Variants in PLPPR1 observed in about 807,000 individuals in gnomAD.
PLPPR1 encodes phospholipid phosphatase-related protein type 1.
PLPPR1 carries 10 observed loss-of-function variants against 33.1 expected under a neutral mutation model. That is an observed-to-expected ratio of 0.30 (90% CI 0.19 to 0.51). The LOEUF (loss-of-function observed/expected upper bound fraction) is 0.51, where lower values mean the gene tolerates loss of function less well. Ranked by LOEUF, PLPPR1 falls within the 20% of genes least tolerant of loss-of-function variation. PLPPR1 has a pLI of 0.97. For synonymous variants in PLPPR1, 151 were observed against 151.0 expected (o/e 1.00, Z 0.00); for missense variants, 304 against 408.1 (o/e 0.74, Z 2.20).
intron 4 of PLPPR1, among the ~76,000 whole-genome samples, chr9:101,289,114 A>G (rs899182152): frequency 1.3e-5 from 2 of 152,160 alleles, no homozygotes; most frequent in Non-Finnish European, 2.9e-5. Context: ...TCCAAAGGAA[A>G]GTGTGACACC....
intron 1 of PLPPR1, among the ~76,000 whole-genome samples, chr9:101,086,242 T>C (rs1365003338): frequency 1.3e-5 from 2 of 152,150 alleles, no homozygotes; most frequent in Admixed American, 6.6e-5. Flanking sequence ...TAGGCTAGAA[T>C]TTGGGGCACA....
intron 1 of PLPPR1, among the ~76,000 whole-genome samples, chr9:101,065,299 C>T (rs1370882160): frequency 6.6e-6 from 1 of 152,064 alleles, no homozygotes; most frequent in South Asian, 2.1e-4. Context: ...TGAAAAATGC[C>T]TCCTCTGCAG....
At position 101,312,939 on chromosome 9, in the gene PLPPR1, G is replaced by T. The variant is rs199633082; in HGVS notation, c.778G>T (p.Gly260Cys). The T allele has an allele frequency of 6.2e-7, 1 of 1,614,156 alleles. No individual in the cohort carries two copies. The highest frequency in any genetic ancestry group is 8.5e-7 in the Non-Finnish European group (1 of 1,180,024). Residue 260 changes from glycine to cysteine, a missense_variant, in exon 6 of 8, where the codon GGT becomes TGT. By Grantham distance (159) the Gly-to-Cys change is radical (BLOSUM62 -3). Coordinates refer to ENST00000374874, the MANE Select transcript of PLPPR1 (RefSeq NM_207299.2). Reference protein sequence around the residue: ...YRNHCSDVIAGFILGTAVALF... With the variant: ...YRNHCSDVIACFILGTAVALF... ...GAACCACTGCTCGGACGTGATTGCT[G>T]GTTTCATCCTGGGCACTGCAGTGGC...
intron 1 of PLPPR1, among the ~76,000 whole-genome samples, chr9:101,034,232 GGAGA>G (rs139518059): frequency 6.6e-6 from 1 of 152,004 alleles, no homozygotes; most frequent in South Asian, 2.1e-4. Context: ...GAACAGGAGA[GGAGA>G]GAGAGAGGAG....
intron 1 of PLPPR1, among the ~76,000 whole-genome samples, chr9:101,067,763 C>G (rs1417573893): frequency 6.6e-6 from 1 of 152,012 alleles, no homozygotes; most frequent in Non-Finnish European, 1.5e-5. Flanking sequence ...GTAGACCAAG[C>G]ATTGTTCTGT....
At chr9:101,194,712 C>T (rs982287521) in intron 2 of PLPPR1, among the ~76,000 whole-genome samples, 5 of 149,128 alleles carry the variant, frequency 3.4e-5, no homozygotes, top group Non-Finnish European at 5.9e-5. Flanking sequence ...GATAGAGCGC[C>T]GTTGCACTCC....
intron 1 of PLPPR1, among the ~76,000 whole-genome samples, chr9:101,056,416 T>C (rs1449869083): frequency 6.6e-6 from 1 of 152,114 alleles, no homozygotes; most frequent in Non-Finnish European, 1.5e-5. Context: ...GAGAATTTGT[T>C]TAGGTAATTA....
At position 101,146,893 on chromosome 9, in the gene PLPPR1, C is replaced by T. The variant is rs143661688; in HGVS notation, c.-45-38557C>T. Among the ~76,000 whole-genome samples the T allele has an allele frequency of 3.3e-5, 5 of 152,232 alleles. No homozygotes were observed. The East Asian group carries it at 5.8e-4, about 18-fold the overall frequency. ...AATTGTAAGCCTTGTTCTGATTCCA[C>T]GTGGCATTAAGAATTTTAAGAAACT... On this transcript the variant is annotated intron_variant, in intron 1 of 7. Coordinates refer to ENST00000374874, the MANE Select transcript of PLPPR1 (RefSeq NM_207299.2).
At chr9:101,304,292 G>C (rs577880341) in intron 4 of PLPPR1, among the ~76,000 whole-genome samples, 6 of 152,178 alleles carry the variant, frequency 3.9e-5, no homozygotes, top group Non-Finnish European at 7.4e-5. Context: ...TAGAAAATAT[G>C]GACAAGTTTC....
At chr9:101,080,582 A>G (rs531854500) in intron 1 of PLPPR1, among the ~76,000 whole-genome samples, 1 of 152,280 alleles carries the variant, frequency 6.6e-6, no homozygotes, top group African/African-American at 2.4e-5. Context: ...CAAAACAACA[A>G]CAACCAAACA....
At chr9:101,204,355 T>C (rs1391181683) in intron 2 of PLPPR1, among the ~76,000 whole-genome samples, 1 of 152,138 alleles carries the variant, frequency 6.6e-6, no homozygotes, top group Non-Finnish European at 1.5e-5. Context: ...GTACTGGAGA[T>C]GGCAAAGAAA....
At chr9:101,175,431 A>C (rs772944718) in intron 1 of PLPPR1, among the ~76,000 whole-genome samples, 64 of 152,194 alleles carry the variant, frequency 4.2e-4, no homozygotes, top group Non-Finnish European at 8.1e-4. Context: ...ATTTTTGTAG[A>C]CTGCTAAAAA....
chr9:101,130,185 C>T (rs1312303562), intron 1 of PLPPR1, among the ~76,000 whole-genome samples: 1 of 152,130 alleles, frequency 6.6e-6, no homozygotes, highest in African/African-American at 2.4e-5. Flanking sequence ...CCTCATGAAG[C>T]TGGGGGAAAA....
intron 1 of PLPPR1, among the ~76,000 whole-genome samples, chr9:101,037,848 G>C (rs934188494): frequency 7.3e-6 from 1 of 137,924 alleles, no homozygotes; most frequent in Non-Finnish European, 1.5e-5. Context: ...CAGTCTTTTG[G>C]GTCTAGTTTT....
intron 2 of PLPPR1, among the ~76,000 whole-genome samples, chr9:101,189,855 T>G (rs1173857398): frequency 6.6e-6 from 1 of 152,122 alleles, no homozygotes; most frequent in Non-Finnish European, 1.5e-5. Context: ...CAAATGCAAT[T>G]ATGTATTTTC....
chr9:101,312,887 A>C lies in PLPPR1; in HGVS notation c.726A>C (p.Thr242=), dbSNP rs201001054. The C allele has an allele frequency of 5.6e-6, 9 of 1,614,176 alleles. No homozygotes were observed. The East Asian group carries it at 1.6e-4, about 28-fold the overall frequency. The stretch of plus-strand genomic sequence containing the variant: ...GAACTCTCTGCACAGCCTTCCTGAC[A>C]GGCCTCAACCGGGTCTCTGAGTATC... ...CLGTLCTAFL[T]GLNRVSEYRN... is the part of the protein sequence containing the mutation. Residue 242 remains threonine (T), a synonymous_variant, in exon 6 of 8, where the codon ACA becomes ACC. Coordinates refer to ENST00000374874, the MANE Select transcript of PLPPR1 (RefSeq NM_207299.2).
intron 2 of PLPPR1, among the ~76,000 whole-genome samples, chr9:101,254,040 C>G (rs921171567): frequency 1.3e-5 from 2 of 152,000 alleles, no homozygotes; most frequent in Admixed American, 6.6e-5. Context: ...AAAATCTAGA[C>G]CAGCAGTCCC....
At chr9:101,030,509 G>T (rs56011444) in intron 1 of PLPPR1, among the ~76,000 whole-genome samples, 23,894 of 151,598 alleles carry the variant, frequency 0.16, 2,084 homozygotes, top group East Asian at 0.37. Flanking sequence ...CAAATTAGTT[G>T]TTTAGGTCTA....
chr9:101,111,781 T>C (rs1009631155), intron 1 of PLPPR1, among the ~76,000 whole-genome samples: 1 of 152,192 alleles, frequency 6.6e-6, no homozygotes, highest in African/African-American at 2.4e-5. Context: ...GTGCAAATGC[T>C]TGCATTTCTC....
Sources: allele counts gnomAD v4.1 joint callset (sites outside exome capture counted in the v4.1 genomes callset), GRCh38; gene constraint gnomAD v4.1.1; transcripts MANE v1.5; gene names NCBI Gene and HGNC (gene_info 2026-07-23, HGNC 2026-07-21).